Variants in IL1RAPL1 observed in about 807,000 individuals in gnomAD.
IL1RAPL1 encodes the protein interleukin-1 receptor accessory protein-like 1.
A neutral mutation model predicts 48.4 loss-of-function variants in IL1RAPL1; 3 were observed. The observed-to-expected ratio is 0.06, with a 90% confidence interval of 0.03 to 0.16. The LOEUF (loss-of-function observed/expected upper bound fraction) is 0.16, where lower values mean the gene tolerates loss of function less well. Among genes scored for constraint, IL1RAPL1 ranks in the 10% least tolerant of loss-of-function variants. The probability of loss-of-function intolerance (pLI) is 1.00; values close to 1 mark genes in which losing one functional copy is unlikely to be tolerated. For missense variants in IL1RAPL1, 349 were observed against 530.6 expected (o/e 0.66, Z 3.36); for synonymous variants, 185 against 187.7 (o/e 0.99, Z 0.12).
At chrX:29,281,539 A>C (rs1026983023) in intron 2 of IL1RAPL1, among the ~76,000 whole-genome samples, 1 of 111,193 alleles carries the variant, frequency 9.0e-6, no homozygotes, top group Non-Finnish European at 1.9e-5. Context: ...TCTTGTTTAC[A>C]CTTCTCCGAT....
intron 2 of IL1RAPL1, among the ~76,000 whole-genome samples, chrX:29,052,734 T>TATATATAA (rs1927123247): frequency 1.8e-5 from 2 of 111,144 alleles, no homozygotes; most frequent in Non-Finnish European, 3.8e-5. Context: ...TGCAATGGCA[T>TATATATAA]GATCTCAGCT....
chrX:29,197,492 A>C (rs1930467225), intron 2 of IL1RAPL1, among the ~76,000 whole-genome samples: 1 of 111,585 alleles, frequency 9.0e-6, no homozygotes, highest in African/African-American at 3.3e-5. Context: ...AATGGCCCAC[A>C]AATTTCTCTG....
chrX:29,439,858 T>TTTG (rs1244991167), intron 5 of IL1RAPL1, among the ~76,000 whole-genome samples: 1 of 99,823 alleles, frequency 1.0e-5, no homozygotes, highest in Non-Finnish European at 2.0e-5. Flanking sequence ...TTGGTTTTTT[T>TTTG]TTTTTTTTTT....
At chrX:29,802,811 GTGTGTA>G (rs1929978192) in intron 6 of IL1RAPL1, among the ~76,000 whole-genome samples, 2 of 38,945 alleles carry the variant, frequency 5.1e-5, no homozygotes, top group Non-Finnish European at 8.5e-5. Flanking sequence ...ATATATATAT[GTGTGTA>G]TATATATGTA....
intron 2 of IL1RAPL1, among the ~76,000 whole-genome samples, chrX:29,183,034 C>G (rs1284949030): frequency 9.0e-6 from 1 of 111,388 alleles, no homozygotes; most frequent in Non-Finnish European, 1.9e-5. Flanking sequence ...GAAAGCATTC[C>G]TGCTTACCCA....
intron 5 of IL1RAPL1, among the ~76,000 whole-genome samples, chrX:29,460,848 G>C (rs1178826080): frequency 9.0e-6 from 1 of 111,106 alleles, no homozygotes; most frequent in South Asian, 3.8e-4. Context: ...GAAAACATAA[G>C]AGATAATCTC....
intron 6 of IL1RAPL1, among the ~76,000 whole-genome samples, chrX:29,784,240 G>C (rs1253634070): frequency 9.0e-6 from 1 of 111,344 alleles, no homozygotes; most frequent in Non-Finnish European, 1.9e-5. Context: ...TTGCCTTCCT[G>C]GTTTATGATT....
intron 2 of IL1RAPL1, among the ~76,000 whole-genome samples, chrX:29,026,054 A>T (rs1005646510): frequency 1.8e-5 from 2 of 111,835 alleles, no homozygotes; most frequent in Non-Finnish European, 1.9e-5. Flanking sequence ...TTATGAACTA[A>T]TTTTTAGTTT....
chrX:29,922,003 T>A (rs1189736381), intron 8 of IL1RAPL1, among the ~76,000 whole-genome samples: 1 of 111,085 alleles, frequency 9.0e-6, no homozygotes, highest in Non-Finnish European at 1.9e-5. Context: ...AAAAATGGAG[T>A]TAGGGGAGAG....
intron 5 of IL1RAPL1, among the ~76,000 whole-genome samples, chrX:29,517,310 TATG>T (rs1569328902): frequency 9.1e-6 from 1 of 110,491 alleles, no homozygotes; most frequent in African/African-American, 3.3e-5. Context: ...CATATATCCT[TATG>T]ATTTTTATAT....
chrX:29,624,588 C>T (rs1049134902), intron 5 of IL1RAPL1, among the ~76,000 whole-genome samples: 2 of 110,710 alleles, frequency 1.8e-5, no homozygotes, highest in African/African-American at 6.6e-5. Flanking sequence ...AATCCCAGCA[C>T]TTTGGGAGGC....
chrX:29,322,042 G>GA lies in IL1RAPL1; in HGVS notation c.362+38831dup, dbSNP rs770507503. 2.8e-5 allele frequency among the ~76,000 whole-genome samples: 3 copies of GA among 108,722 alleles called. No individual in the cohort carries two copies. The East Asian group carries it at 8.6e-4, about 31-fold the overall frequency. 94.4% of individuals were successfully genotyped at this position (108,722 alleles called of 115,157 possible). On this transcript the variant is annotated intron_variant, in intron 3 of 10. Transcript: ENST00000378993. ...AAACCCTAATTTTCAATTACACTAT[G>GA]AAAAAATAAACTAATGAGTTTTCAC...
chrX:29,325,208 A>C (rs58237013), intron 3 of IL1RAPL1, among the ~76,000 whole-genome samples: 4,781 of 112,042 alleles, frequency 0.043, 266 homozygotes, highest in African/African-American at 0.14. Context: ...TAGGAAAGGG[A>C]TGTGCATTTA....
intron 6 of IL1RAPL1, among the ~76,000 whole-genome samples, chrX:29,680,288 G>C (rs1042317186): frequency 1.8e-5 from 2 of 111,569 alleles, no homozygotes; most frequent in African/African-American, 3.3e-5. Context: ...GTGGGTCTGG[G>C]TGAGTAGAGG....
At chrX:29,381,525 A>AAAAAAAAAAAAAAAAAAAAC (rs1569298983) in intron 3 of IL1RAPL1, among the ~76,000 whole-genome samples, 2 of 95,912 alleles carry the variant, frequency 2.1e-5, no homozygotes, top group Non-Finnish European at 4.1e-5. Flanking sequence ...AAAAAAAAAA[A>AAAAAAAAAAAAAAAAAAAAC]AAAACTTAGC....
chrX:29,491,128 T>A (rs1267898198), intron 5 of IL1RAPL1, among the ~76,000 whole-genome samples: 1 of 111,647 alleles, frequency 9.0e-6, no homozygotes, highest in Non-Finnish European at 1.9e-5. Flanking sequence ...TAAATTCTAA[T>A]TTCGGTATAC....
intron 1 of IL1RAPL1, among the ~76,000 whole-genome samples, chrX:28,646,627 G>A (rs1054138867): frequency 8.9e-5 from 10 of 112,048 alleles, no homozygotes; most frequent in Non-Finnish European, 1.9e-4. Context: ...GAATATACAC[G>A]TGCTTGCTGA....
At chrX:28,682,979 A>C in intron 1 of IL1RAPL1, among the ~76,000 whole-genome samples, 1 of 112,139 alleles carries the variant, frequency 8.9e-6, no homozygotes, top group Non-Finnish European at 1.9e-5. Flanking sequence ...AGATTCTTAT[A>C]AATTCCCTAG....
At chrX:29,262,570 G>A (rs1931878830) in intron 2 of IL1RAPL1, among the ~76,000 whole-genome samples, 1 of 110,131 alleles carries the variant, frequency 9.1e-6, no homozygotes, top group Non-Finnish European at 1.9e-5. Flanking sequence ...GGCTGAAGCA[G>A]GAGAATCTCT....
Sources: allele counts gnomAD v4.1 joint callset (sites outside exome capture counted in the v4.1 genomes callset), GRCh38; gene constraint gnomAD v4.1.1; transcripts MANE v1.5; gene names NCBI Gene and HGNC (gene_info 2026-07-23, HGNC 2026-07-21).